Variants in GHRHR observed in about 807,000 individuals in gnomAD.
GHRHR encodes the protein growth hormone-releasing hormone receptor.
GHRHR carries 40 observed loss-of-function variants against 58.3 expected under a neutral mutation model. That is an observed-to-expected ratio of 0.69 (90% CI 0.53 to 0.89). The LOEUF (loss-of-function observed/expected upper bound fraction) is 0.89, where lower values mean the gene tolerates loss of function less well. GHRHR is among the 40% of genes least tolerant of loss of function. The pLI, the probability that GHRHR is intolerant of heterozygous loss-of-function variation, is 0.00. For synonymous variants in GHRHR, 249 were observed against 216.6 expected (o/e 1.15, Z -1.31); for missense variants, 551 against 541.3 (o/e 1.02, Z -0.18).
chr7:30,975,932 G>C (rs1792568324), intron 10 of GHRHR, 64 bp downstream of exon 10: 3 of 924,204 alleles, frequency 3.2e-6, no homozygotes, highest in African/African-American at 1.6e-5. Flanking sequence ...CAATGTGTCT[G>C]TCTCATCCAA....
chr7:30,972,140 AG>A, intron 6 of GHRHR, 45 bp downstream of exon 6: 1 of 1,607,698 alleles, frequency 6.2e-7, no homozygotes, highest in African/African-American at 1.3e-5. Flanking sequence ...GGGAGAGAGG[AG>A]GTAGGATTAC....
chr7:30,975,893 T>C, intron 10 of GHRHR, 25 bp downstream of exon 10: 1 of 1,344,582 alleles, frequency 7.4e-7, no homozygotes, highest in South Asian at 1.2e-5. Flanking sequence ...TGTCTGGGGA[T>C]ACTGGGAAAG....
rs28371564 is a variant in GHRHR, at chr7:30,979,480, C to A, written c.*236C>A. ...TCTCATCCATTCCTCTTACTGGGGCCTGGGGCTCTAGCCCAAGGCTCAGAG... is the reference window on the plus strand; with the variant it reads ...TCTCATCCATTCCTCTTACTGGGGCATGGGGCTCTAGCCCAAGGCTCAGAG... On this transcript the variant is annotated 3_prime_UTR_variant, in exon 13 of 13. Transcript: ENST00000326139. 0.03 allele frequency: 15,201 copies of A among 499,380 alleles called. 311 individuals carry two copies. The highest frequency in any genetic ancestry group is 0.069 in the Middle Eastern group (123 of 1,780). The allele number at this position is 499,380 out of a possible 1,614,324, so 30.9% of individuals were successfully genotyped here. A position where few individuals can be genotyped will look rare whatever the true frequency, so the allele number is the denominator to read the frequency against.
At chr7:30,975,175 A>T (rs1792553940) in intron 9 of GHRHR, 135 bp downstream of exon 9, 4 of 734,640 alleles carry the variant, frequency 5.4e-6, no homozygotes, top group South Asian at 1.4e-5. Flanking sequence ...TCTGCCACTG[A>T]TTCTCTGTGA....
intron 12 of GHRHR, among the ~76,000 whole-genome samples, chr7:30,978,666 C>G (rs75600021): frequency 6.6e-6 from 1 of 152,132 alleles, no homozygotes; most frequent in Non-Finnish European, 1.5e-5. Context: ...CTTTTACTTA[C>G]TTTCAGTTTC....
intron 1 of GHRHR, among the ~76,000 whole-genome samples, chr7:30,967,367 A>G (rs1184183691): frequency 6.6e-6 from 1 of 152,216 alleles, no homozygotes. Context: ...TTTCAGAAGT[A>G]CTGCTAGAAG....
rs746910652 is a variant in GHRHR, at chr7:30,976,591, T to C, written c.1104+33T>C. ...CCCCCACAGGCACTCTTTCTTTCCATTGAGGGTGCTGGAGGGAGGTGCTGT... is the reference window on the plus strand; with the variant it reads ...CCCCCACAGGCACTCTTTCTTTCCACTGAGGGTGCTGGAGGGAGGTGCTGT... On this transcript the variant is annotated intron_variant, in intron 11 of 12. Coordinates refer to ENST00000326139, the MANE Select transcript of GHRHR (RefSeq NM_000823.4). 3.7e-6 allele frequency: 6 copies of C among 1,604,280 alleles called. No individual in the cohort carries two copies. The African/African-American group carries it at 5.3e-5, about 14-fold the overall frequency.
chr7:30,971,896 G>C (rs967802432), intron 5 of GHRHR, 67 bp from the exon 6 acceptor site: 10 of 1,482,158 alleles, frequency 6.7e-6, no homozygotes, highest in Admixed American at 3.3e-5. Flanking sequence ...GTTCAGCCCA[G>C]TTGCAGCACA....
chr7:30,969,263 G>T, intron 3 of GHRHR, 93 bp downstream of exon 3: 1 of 866,774 alleles, frequency 1.2e-6, no homozygotes, highest in South Asian at 1.4e-5. Context: ...GCTAACCTGG[G>T]TTTGTATACC....
chr7:30,968,640 C>CCCTTCCTCCCTTCCTTCCTTCCTTCCTT (rs1792408421), intron 1 of GHRHR, among the ~76,000 whole-genome samples, 194 bp from the exon 2 acceptor site: 1 of 81,862 alleles, frequency 1.2e-5, no homozygotes, highest in Non-Finnish European at 2.4e-5. Flanking sequence ...CTCCCTCCCT[C>CCCTTCCTCCCTTCCTTCCTTCCTTCCTT]CCTTCCTTCC....
At chr7:30,968,974 T>G (rs777751805) in intron 2 of GHRHR, 38 bp downstream of exon 2, 7 of 1,560,534 alleles carry the variant, frequency 4.5e-6, no homozygotes, top group Non-Finnish European at 6.2e-6. Context: ...CTTCTCTGAT[T>G]CCTTTATATC....
At chr7:30,971,254 G>C in intron 5 of GHRHR, 38 bp downstream of exon 5, 1 of 898,336 alleles carries the variant, frequency 1.1e-6, no homozygotes, top group Non-Finnish European at 1.8e-6. Context: ...AACCTTCCTT[G>C]GCTCCTTATT....
At chr7:30,967,736 C>G (rs1792388239) in intron 1 of GHRHR, among the ~76,000 whole-genome samples, 1 of 152,038 alleles carries the variant, frequency 6.6e-6, no homozygotes, top group Non-Finnish European at 1.5e-5. Flanking sequence ...TTTTATGCAG[C>G]CTTCACCTCA....
chr7:30,967,224 T>C (rs1792376126), intron 1 of GHRHR, among the ~76,000 whole-genome samples: 1 of 152,136 alleles, frequency 6.6e-6, no homozygotes, highest in African/African-American at 2.4e-5. Context: ...GAGGGAGAAG[T>C]GCTAGAAATT....
rs202089170 is a variant in GHRHR, at chr7:30,976,463, C to T, written c.1009C>T (p.Leu337Phe). The change falls in exon 11 of 13, where the codon CTC becomes TTC. Residue 337 changes from leucine (L) to phenylalanine (F), a missense_variant. Physicochemically the swap from Leu to Phe is conservative, Grantham distance 22. Coordinates refer to ENST00000326139, the MANE Select transcript of GHRHR (RefSeq NM_000823.4). ...LSKSTLFLIP[L>F]FGIHYIIFNF... Reference sequence around the variant, plus strand: ...CAAGTCGACACTTTTCCTGATCCCACTCTTTGGAATTCACTACATCATCTT... The same window carrying T: ...CAAGTCGACACTTTTCCTGATCCCATTCTTTGGAATTCACTACATCATCTT... The T allele has an allele frequency of 5.6e-6, 9 of 1,613,278 alleles. No homozygotes were observed. Among genetic ancestry groups the T allele is most frequent in the Non-Finnish European group, 6.8e-6 (8 of 1,179,318 alleles).
intron 12 of GHRHR, among the ~76,000 whole-genome samples, chr7:30,978,538 T>C (rs1355214287): frequency 6.6e-6 from 1 of 152,202 alleles, no homozygotes; most frequent in African/African-American, 2.4e-5. Context: ...TCGGCTCTAC[T>C]GCATGAGGCA....
rs28371559 is a variant in GHRHR at position 30,969,282 on chromosome 7, C to T, written c.268+112C>T. ...ACCTGGGTTTGTATACCAACTTCCC[C>T]TCTTCTGGGGTGACCTCGGGCCAGT... On this transcript the variant is annotated intron_variant, in intron 3 of 12. Coordinates refer to ENST00000326139, the MANE Select transcript of GHRHR (RefSeq NM_000823.4). 41,150 of 764,348 alleles carry T rather than the reference C, an allele frequency of 0.054. 1,502 individuals carry two copies. The highest frequency in any genetic ancestry group is 0.13 in the African/African-American group (7,840 of 58,286). The allele number at this position is 764,348 out of a possible 1,614,324, so 47.3% of individuals were successfully genotyped here. A position where few individuals can be genotyped will look rare whatever the true frequency, so the allele number is the denominator to read the frequency against.
intron 4 of GHRHR, chr7:30,970,837 G>A (rs1463045618): frequency 1.4e-5 from 7 of 502,206 alleles, no homozygotes; most frequent in East Asian, 3.8e-5. Flanking sequence ...GGGACATGTA[G>A]TTTCTGCGGC....
intron 9 of GHRHR, 105 bp from the exon 10 acceptor site, chr7:30,975,672 C>T: frequency 1.3e-6 from 1 of 745,046 alleles, no homozygotes; most frequent in Non-Finnish European, 2.5e-6. Context: ...TCTCACGTCT[C>T]AAGGATTTAA....
Sources: gnomAD v4.1 joint callset for allele counts (sites outside exome capture counted in the v4.1 genomes callset) on GRCh38, gnomAD v4.1.1 for gene constraint, MANE v1.5 for transcripts, NCBI Gene and HGNC (gene_info 2026-07-23, HGNC 2026-07-21) for gene names.